Variants in GLIS3 observed in about 807,000 individuals in gnomAD.
GLIS3 encodes the protein GLIS family zinc finger 3.
GLIS3 carries 53 observed loss-of-function variants against 78.6 expected under a neutral mutation model. That is an observed-to-expected ratio of 0.67 (90% CI 0.54 to 0.85). The LOEUF is 0.85. Among genes scored for constraint, GLIS3 ranks in the 40% least tolerant of loss-of-function variants. The pLI, the probability that GLIS3 is intolerant of heterozygous loss-of-function variation, is 0.00. For missense variants in GLIS3, 1,703 were observed against 1,231.1 expected, an observed-to-expected ratio of 1.38 and a Z score of -5.74; for synonymous variants, 684 against 509.9, an observed-to-expected ratio of 1.34 and a Z score of -4.60.
chr9:4,201,890 G>A (rs1819427811), intron 2 of GLIS3, among the ~76,000 whole-genome samples: 1 of 152,110 alleles, frequency 6.6e-6, no homozygotes, highest in Non-Finnish European at 1.5e-5. Context: ...AATTCCAGGA[G>A]TTTGAGAGGC....
the GLIS3 span, among the ~76,000 whole-genome samples, chr9:4,401,351 C>T: frequency 6.6e-6 from 1 of 151,954 alleles, no homozygotes; most frequent in East Asian, 1.9e-4. Context: ...CCTCTGTCTC[C>T]CACGTTCAAG....
At chr9:4,121,197 C>A (rs1165245866) in intron 3 of GLIS3, among the ~76,000 whole-genome samples, 1 of 152,220 alleles carries the variant, frequency 6.6e-6, no homozygotes, top group African/African-American at 2.4e-5. Flanking sequence ...TTACTCAGAT[C>A]TTTTAATCTT....
At chr9:3,863,921 C>T (rs1001484972) in intron 8 of GLIS3, among the ~76,000 whole-genome samples, 10 of 152,020 alleles carry the variant, frequency 6.6e-5, no homozygotes, top group African/African-American at 1.5e-4. Flanking sequence ...GAGAACGTCT[C>T]GGGTATGTCA....
chr9:4,265,741 T>A (rs984644630), intron 2 of GLIS3, among the ~76,000 whole-genome samples: 1 of 152,210 alleles, frequency 6.6e-6, no homozygotes, highest in Non-Finnish European at 1.5e-5. Flanking sequence ...AGGCATCAAA[T>A]GGAACTTCTG....
intron 2 of GLIS3, among the ~76,000 whole-genome samples, chr9:4,319,665 G>T (rs2130543132): frequency 6.6e-6 from 1 of 152,126 alleles, no homozygotes; most frequent in South Asian, 2.1e-4. Flanking sequence ...AGGTAGCTAG[G>T]ACTATAGGTG....
chr9:4,393,838 C>T, the GLIS3 span, among the ~76,000 whole-genome samples: 11 of 152,178 alleles, frequency 7.2e-5, no homozygotes, highest in South Asian at 1.5e-3. Flanking sequence ...TTTTCTTTTA[C>T]GTTGTTAAAC....
rs1417252656 is a variant in GLIS3 at position 4,069,996 on chromosome 9, C to CT, written c.1710+47771dup. 1.2e-3 allele frequency among the ~76,000 whole-genome samples: 177 copies of CT among 152,128 alleles called. 1 individual carries two copies. Among genetic ancestry groups the CT allele is most frequent in the Non-Finnish European group, 1.0e-4 (7 of 67,990 alleles). ...CCAGGAGAGACCCAGGGAACATGGC[C>CT]TATGGTATCAAGGCACAGGGGCAGC... is the stretch of plus-strand genomic sequence containing the variant. On this transcript the variant is annotated intron_variant, in intron 4 of 10. Coordinates refer to ENST00000381971, the MANE Select transcript of GLIS3 (RefSeq NM_001042413.2).
intron 6 of GLIS3, among the ~76,000 whole-genome samples, chr9:3,929,456 G>T (rs1485347454): frequency 1.3e-5 from 2 of 152,116 alleles, no homozygotes; most frequent in African/African-American, 4.8e-5. Flanking sequence ...CGTGCCCACG[G>T]TCAGGGCATC....
intron 4 of GLIS3, among the ~76,000 whole-genome samples, chr9:4,095,475 T>G (rs1829864497): frequency 6.6e-6 from 1 of 152,136 alleles, no homozygotes; most frequent in East Asian, 1.9e-4. Context: ...GGGACTAGAT[T>G]GGGAGGGTTG....
chr9:4,109,478 C>T (rs1472628966), intron 4 of GLIS3, among the ~76,000 whole-genome samples: 1 of 152,108 alleles, frequency 6.6e-6, no homozygotes, highest in East Asian at 1.9e-4. Context: ...GATCACTTGG[C>T]ATAAGATAAA....
chr9:4,109,202 C>T (rs527632088), intron 4 of GLIS3, among the ~76,000 whole-genome samples: 10 of 152,288 alleles, frequency 6.6e-5, no homozygotes, highest in Middle Eastern at 3.4e-3. Context: ...GGCTGACAAG[C>T]TCAGCATAAT....
chr9:4,174,879 C>G (rs901220548), intron 2 of GLIS3, among the ~76,000 whole-genome samples: 2 of 152,054 alleles, frequency 1.3e-5, no homozygotes, highest in African/African-American at 4.8e-5. Flanking sequence ...TAGTTTATTC[C>G]AACAACACGC....
At chr9:4,134,711 G>A (rs1833265014) in intron 2 of GLIS3, among the ~76,000 whole-genome samples, 3 of 152,202 alleles carry the variant, frequency 2.0e-5, no homozygotes, top group Admixed American at 2.0e-4. Flanking sequence ...ACTTAGGTGT[G>A]CAAAATGGTA....
the GLIS3 span, among the ~76,000 whole-genome samples, chr9:4,444,774 C>A: frequency 6.6e-6 from 1 of 152,146 alleles, no homozygotes; most frequent in Non-Finnish European, 1.5e-5. Context: ...ACAGGCTTTG[C>A]TGCATCTGGG....
the GLIS3 span, among the ~76,000 whole-genome samples, chr9:4,436,968 G>T: frequency 2.6e-5 from 4 of 152,044 alleles, no homozygotes; most frequent in East Asian, 7.7e-4. Context: ...TCCACCAAAA[G>T]AGCAACTAAA....
At chr9:4,223,443 A>G (rs1384674064) in intron 2 of GLIS3, among the ~76,000 whole-genome samples, 1 of 152,106 alleles carries the variant, frequency 6.6e-6, no homozygotes, top group Non-Finnish European at 1.5e-5. Flanking sequence ...TCACAAACAA[A>G]CCATACAGAG....
At chr9:4,482,241 T>C in the GLIS3 span, among the ~76,000 whole-genome samples, 1 of 152,188 alleles carries the variant, frequency 6.6e-6, no homozygotes, top group Non-Finnish European at 1.5e-5. Flanking sequence ...ATAAAGCCCA[T>C]GAGGTAAAGT....
intron 2 of GLIS3, among the ~76,000 whole-genome samples, chr9:4,201,266 C>G (rs1819366255): frequency 6.6e-6 from 1 of 152,134 alleles, no homozygotes; most frequent in African/African-American, 2.4e-5. Context: ...CCCTTGAAAA[C>G]TGGAACAAGA....
At chr9:4,148,678 A>C (rs1316891658) in intron 2 of GLIS3, among the ~76,000 whole-genome samples, 1 of 152,134 alleles carries the variant, frequency 6.6e-6, no homozygotes, top group African/African-American at 2.4e-5. Flanking sequence ...GGTAATGCCC[A>C]CACCATACCT....
Sources: gnomAD v4.1 joint callset for allele counts (sites outside exome capture counted in the v4.1 genomes callset) on GRCh38, gnomAD v4.1.1 for gene constraint, MANE v1.5 for transcripts, NCBI Gene and HGNC (gene_info 2026-07-23, HGNC 2026-07-21) for gene names.